GPHN: variants seen among roughly 807,000 people sequenced by gnomAD.
The protein encoded by GPHN is gephyrin.
A neutral mutation model predicts 95.5 loss-of-function variants in GPHN; 17 were observed. That is an observed-to-expected ratio of 0.18 (90% CI 0.12 to 0.27). GPHN has a LOEUF of 0.27. Ranked by LOEUF, GPHN falls within the 10% of genes least tolerant of loss-of-function variation. The pLI is 1.00. For synonymous variants in GPHN, 320 were observed against 322.5 expected (o/e 0.99, Z 0.08); for missense variants, 660 against 978.1 (o/e 0.67, Z 4.34).
At chr14:66,654,563 C>A (rs1317328849) in intron 1 of GPHN, among the ~76,000 whole-genome samples, 1 of 152,082 alleles carries the variant, frequency 6.6e-6, no homozygotes, top group East Asian at 1.9e-4. Flanking sequence ...CCAGTGTTTT[C>A]TTGGATACAT....
chr14:66,752,912 A>T (rs2058422402), intron 2 of GPHN, among the ~76,000 whole-genome samples: 1 of 149,750 alleles, frequency 6.7e-6, no homozygotes, highest in African/African-American at 2.5e-5. Context: ...CAGGAATCCT[A>T]AAGTGAAGCA....
At chr14:67,405,412 G>A in the GPHN span, among the ~76,000 whole-genome samples, 13 of 152,142 alleles carry the variant, frequency 8.5e-5, no homozygotes, top group African/African-American at 3.1e-4. Flanking sequence ...AATAATCAAT[G>A]ATTAATAATA....
chr14:67,574,472 C>G, the GPHN span: 1 of 1,299,874 alleles, frequency 7.7e-7, no homozygotes, highest in Middle Eastern at 2.7e-4. The surrounding 1 kb of genome is among the most constrained non-coding windows in gnomAD (Gnocchi z 4.2). Context: ...GATTGGGGTG[C>G]CGAGGGTGGT....
the GPHN span, among the ~76,000 whole-genome samples, chr14:67,418,787 A>G: frequency 6.6e-5 from 10 of 152,306 alleles, no homozygotes; most frequent in Admixed American, 2.0e-4. Flanking sequence ...GGACTACGTG[A>G]CTTGGAGCCT....
At chr14:67,161,499 C>A (rs1567428809) in intron 19 of GPHN, among the ~76,000 whole-genome samples, 2 of 152,012 alleles carry the variant, frequency 1.3e-5, no homozygotes, top group Non-Finnish European at 2.9e-5. Flanking sequence ...CAGTGGCTCA[C>A]ACCTATAATC....
At chr14:66,821,508 C>A (rs978054573) in intron 3 of GPHN, among the ~76,000 whole-genome samples, 3 of 152,140 alleles carry the variant, frequency 2.0e-5, no homozygotes, top group Admixed American at 6.5e-5. Flanking sequence ...ATCCTTGAGA[C>A]CAGAGATACT....
the GPHN span, chr14:67,198,213 C>T: frequency 6.2e-7 from 1 of 1,613,902 alleles, no homozygotes; most frequent in Non-Finnish European, 8.5e-7. Context: ...GCAAGATGCT[C>T]TCTGCACCCC....
chr14:67,733,038 G>C, the GPHN span, among the ~76,000 whole-genome samples: 1 of 152,000 alleles, frequency 6.6e-6, no homozygotes, highest in African/African-American at 2.4e-5. Flanking sequence ...GAGTTCATGG[G>C]TGCAGCACAC....
chr14:67,395,539 C>CA, the GPHN span: 1 of 1,614,164 alleles, frequency 6.2e-7, no homozygotes, highest in East Asian at 2.2e-5. Flanking sequence ...AACAGGCCTC[C>CA]AGGAAGTACT....
intron 1 of GPHN, among the ~76,000 whole-genome samples, chr14:66,592,193 A>G (rs1289152582): frequency 6.6e-6 from 1 of 152,232 alleles, no homozygotes; most frequent in Non-Finnish European, 1.5e-5. Context: ...CTAAAACCAT[A>G]AAAACTCTAG....
intron 8 of GPHN, among the ~76,000 whole-genome samples, chr14:66,931,115 A>C (rs769225152): frequency 2.0e-5 from 3 of 150,636 alleles, no homozygotes; most frequent in Non-Finnish European, 4.4e-5. Context: ...GGACATTTTC[A>C]CAGGATATAA....
intron 9 of GPHN, among the ~76,000 whole-genome samples, chr14:67,014,342 A>C (rs1002605446): frequency 3.3e-5 from 5 of 152,134 alleles, no homozygotes; most frequent in Non-Finnish European, 5.9e-5. Flanking sequence ...GTTATGACTT[A>C]TACAGTGTTA....
the GPHN span, among the ~76,000 whole-genome samples, chr14:67,343,868 C>G: frequency 1.3e-5 from 2 of 152,142 alleles, no homozygotes; most frequent in Non-Finnish European, 2.9e-5. Flanking sequence ...CATAACAAAA[C>G]AAAAACAAAA....
At chr14:67,033,585 A>T (rs2153631910) in intron 10 of GPHN, among the ~76,000 whole-genome samples, 1 of 152,238 alleles carries the variant, frequency 6.6e-6, no homozygotes, top group South Asian at 2.1e-4. Flanking sequence ...GAATGCCAAA[A>T]AGATTTATAA....
At chr14:67,651,210 G>C in the GPHN span, 1 of 1,284,250 alleles carries the variant, frequency 7.8e-7, no homozygotes, top group Non-Finnish European at 1.0e-6. Flanking sequence ...TGTTGCTGTT[G>C]TTCCTTCACA....
chr14:67,059,604 T>C (rs952251313), intron 11 of GPHN, among the ~76,000 whole-genome samples: 34 of 152,256 alleles, frequency 2.2e-4, no homozygotes, highest in Middle Eastern at 6.8e-3. Context: ...AAACTCAAAC[T>C]CAGAATAGCA....
At chr14:67,140,746 TC>T (rs2080408527) in intron 17 of GPHN, among the ~76,000 whole-genome samples, 1 of 152,174 alleles carries the variant, frequency 6.6e-6, no homozygotes, top group African/African-American at 2.4e-5. Context: ...GATAATATGA[TC>T]CAGCAAGGCA....
the GPHN span, chr14:67,447,694 G>A: frequency 2.6e-5 from 4 of 152,174 alleles, no homozygotes; most frequent in African/African-American, 9.7e-5. Context: ...GCTATGGCAA[G>A]GTTCTCGTCA....
At chr14:67,124,299 G>A (rs745751916) in intron 17 of GPHN, among the ~76,000 whole-genome samples, 9 of 152,046 alleles carry the variant, frequency 5.9e-5, no homozygotes, top group East Asian at 1.9e-4. Context: ...CCAGCTACTC[G>A]GGAGGCTAAC....
Sources: gnomAD v4.1 joint callset for allele counts (sites outside exome capture counted in the v4.1 genomes callset) on GRCh38, gnomAD v4.1.1 for gene constraint, Gnocchi (gnomAD v3.1) non-coding constraint, MANE v1.5 for transcripts, NCBI Gene and HGNC (gene_info 2026-07-23, HGNC 2026-07-21) for gene names.